KIAA1671: variants seen among roughly 807,000 people sequenced by gnomAD.
The protein encoded by KIAA1671 is uncharacterized protein KIAA1671.
In KIAA1671, 52 loss-of-function variants were observed where a neutral mutation model predicts 131.2. The ratio of observed to expected loss-of-function variants is 0.40; its 90% CI spans 0.32 to 0.50. KIAA1671 has a LOEUF of 0.50. KIAA1671 is among the 20% of genes least tolerant of loss of function. The probability of loss-of-function intolerance (pLI) is 0.73; values close to 1 mark genes in which losing one functional copy is unlikely to be tolerated. For missense variants in KIAA1671, 2,360 were observed against 2,364.2 expected, an observed-to-expected ratio of 1.00 and a Z score of 0.04; for synonymous variants, 1,003 against 961.6, an observed-to-expected ratio of 1.04 and a Z score of -0.80.
intron 8 of KIAA1671, chr22:25,177,044 T>C (rs148089438): frequency 3.7e-4 from 127 of 345,618 alleles, no homozygotes; most frequent in African/African-American, 2.4e-3. Flanking sequence ...GTGGTGGATG[T>C]CACTGGGAGG....
At chr22:25,162,813 C>G (rs1169212374) in intron 6 of KIAA1671, among the ~76,000 whole-genome samples, 1 of 152,228 alleles carries the variant, frequency 6.6e-6, no homozygotes, top group Non-Finnish European at 1.5e-5. Context: ...GCATTAACAA[C>G]AGCAGAATTG....
intron 3 of KIAA1671, among the ~76,000 whole-genome samples, chr22:25,029,886 G>C (rs1400155577): frequency 6.6e-6 from 1 of 152,216 alleles, no homozygotes; most frequent in Admixed American, 6.5e-5. Context: ...TGGCATTCCA[G>C]CTCAGCCTGT....
intron 1 of KIAA1671, among the ~76,000 whole-genome samples, chr22:24,986,630 A>ACCACCCACCCCCCCAT (rs1923549899): frequency 8.9e-6 from 1 of 112,430 alleles, no homozygotes; most frequent in African/African-American, 3.5e-5. Flanking sequence ...CACCCACCCA[A>ACCACCCACCCCCCCAT]CCACCCACCC....
intron 6 of KIAA1671, among the ~76,000 whole-genome samples, chr22:25,074,893 C>A (rs1929025411): frequency 6.6e-6 from 1 of 151,838 alleles, no homozygotes; most frequent in Admixed American, 6.6e-5. Flanking sequence ...TGGGTATATG[C>A]CCAGAAGAGG....
At chr22:25,182,595 C>T (rs978768630) in intron 10 of KIAA1671, among the ~76,000 whole-genome samples, 1 of 152,138 alleles carries the variant, frequency 6.6e-6, no homozygotes, top group Non-Finnish European at 1.5e-5. Context: ...AGGAAATTGG[C>T]TTCTACCATT....
chr22:25,095,391 CCTGTAATCCCAGCACTT>C (rs1445249262), intron 6 of KIAA1671, among the ~76,000 whole-genome samples: 20 of 152,360 alleles, frequency 1.3e-4, no homozygotes, highest in African/African-American at 4.8e-4. Flanking sequence ...GTGGCTCACG[CCTGTAATCCCAGCACTT>C]TGGGAGGCTG....
At chr22:24,972,759 C>T (rs1021556993) in intron 1 of KIAA1671, among the ~76,000 whole-genome samples, 6 of 152,116 alleles carry the variant, frequency 3.9e-5, no homozygotes, top group Admixed American at 1.3e-4. Flanking sequence ...CTGTTCTGGG[C>T]ACCAAGGATG....
rs1450908923 is a variant in KIAA1671, at chr22:25,038,830, A to T, written c.1700A>T (p.Asp567Val). 6.4e-6 allele frequency: 10 copies of T among 1,551,714 alleles called. No homozygotes were observed. The highest frequency in any genetic ancestry group is 2.0e-5 in the Admixed American group (1 of 50,974). ...RSPWKPGTLR[D>V]KSRQTEQKVS... Reference sequence around the variant, plus strand: ...CCCTGGAAGCCTGGGACACTCCGGGATAAGTCCAGGCAGACGGAGCAGAAG... The same window carrying T: ...CCCTGGAAGCCTGGGACACTCCGGGTTAAGTCCAGGCAGACGGAGCAGAAG... The change falls in exon 5 of 13, where the codon GAT becomes GTT. Residue 567 changes from aspartate (D) to valine (V), a missense_variant. This residue lies in a region of KIAA1671 where 1,185 missense variants were observed against 1,126.2 expected (regional missense o/e 1.05). Transcript: ENST00000358431.
chr22:25,001,213 GTGTAT>G (rs1924456936), intron 1 of KIAA1671, among the ~76,000 whole-genome samples: 1 of 135,874 alleles, frequency 7.4e-6, no homozygotes, highest in African/African-American at 2.8e-5. Flanking sequence ...GTGTATGTAT[GTGTAT>G]ATATGTATGT....
chr22:25,120,248 T>G (rs1186087540), intron 6 of KIAA1671, among the ~76,000 whole-genome samples: 1 of 152,188 alleles, frequency 6.6e-6, no homozygotes, highest in Non-Finnish European at 1.5e-5. Context: ...GGGGTTTGGA[T>G]TCAAGGGGTT....
intron 6 of KIAA1671, chr22:25,051,836 T>A (rs2145822801): frequency 6.6e-6 from 1 of 152,412 alleles, no homozygotes; most frequent in Admixed American, 6.5e-5. Context: ...TTCCCATCAC[T>A]GCTTTGATGA....
rs956697461 is a variant in KIAA1671 at position 25,029,204 on chromosome 22, C to A, written c.1205C>A (p.Ser402Tyr). The change falls in exon 3 of 13, where the codon TCC becomes TAC. Residue 402 changes from serine (S) to tyrosine (Y), a missense_variant. This residue lies in a region of KIAA1671 where 1,185 missense variants were observed against 1,126.2 expected (regional missense o/e 1.05). Transcript: ENST00000358431. ...CCAGAGCCAGAGAAGGCTGCTGAGT[C>A]CCCCTCACCCAGGCTGGGAAGGGGC... ...LDPEPEKAAE[S>Y]PSPRLGRGLE... The A allele has an allele frequency of 1.7e-5, 25 of 1,457,526 alleles. No individual in the cohort carries two copies. Among genetic ancestry groups the A allele is most frequent in the Non-Finnish European group, 2.1e-5 (23 of 1,101,840 alleles). The allele number at this position is 1,457,526 out of a possible 1,614,324, so 90.3% of individuals were successfully genotyped here.
At chr22:25,060,794 A>G (rs1434017508) in intron 6 of KIAA1671, 12 of 151,642 alleles carry the variant, frequency 7.9e-5, no homozygotes, top group Admixed American at 7.9e-4. Flanking sequence ...AAATGACCAC[A>G]AGAGGGTAGG....
chr22:25,021,533 T>C (rs1160420089), intron 1 of KIAA1671, among the ~76,000 whole-genome samples: 1 of 151,668 alleles, frequency 6.6e-6, no homozygotes. Flanking sequence ...CAGGGTTTTC[T>C]ATTTGTTTTG....
chr22:25,131,628 GC>G (rs1818130474), intron 6 of KIAA1671, among the ~76,000 whole-genome samples: 1 of 152,276 alleles, frequency 6.6e-6, no homozygotes, highest in Non-Finnish European at 1.5e-5. Flanking sequence ...AGCCCTGGCT[GC>G]CCGCCTGCCT....
intron 1 of KIAA1671, among the ~76,000 whole-genome samples, chr22:24,980,750 A>ATT (rs879290838): frequency 6.8e-6 from 1 of 147,442 alleles, no homozygotes; most frequent in Non-Finnish European, 1.5e-5. Context: ...TGTTATTATT[A>ATT]TTTTTTTTTT....
intron 1 of KIAA1671, among the ~76,000 whole-genome samples, chr22:25,006,449 G>A (rs756206162): frequency 6.6e-6 from 1 of 152,126 alleles, no homozygotes; most frequent in African/African-American, 2.4e-5. Flanking sequence ...GGGAATGGGG[G>A]AATTAAGGTG....
intron 6 of KIAA1671, among the ~76,000 whole-genome samples, chr22:25,166,501 AG>A (rs1036507756): frequency 6.6e-6 from 1 of 151,864 alleles, no homozygotes; most frequent in Non-Finnish European, 1.5e-5. Flanking sequence ...TTTGGTTTCT[AG>A]GGGGCCCCTG....
rs1288981360 is a variant in KIAA1671, at chr22:25,196,997, TCCTAA to T, written c.*4600_*4604del. 6.6e-6 allele frequency: 1 copy of T among 152,158 alleles called. No individual in the cohort carries two copies. Among genetic ancestry groups the T allele is most frequent in the Admixed American group, 6.5e-5 (1 of 15,270 alleles). 9.4% of individuals were successfully genotyped at this position (152,158 alleles called of 1,614,324 possible). A position where few individuals can be genotyped will look rare whatever the true frequency, so the allele number is the denominator to read the frequency against. On this transcript the variant is annotated 3_prime_UTR_variant, in exon 13 of 13. Transcript: ENST00000358431. ...ACACACACAAGTATAGTATATATTTTCCTAACCTTTCTTCTGGGTCCTTCCTCAGA... is the reference window on the plus strand; with the variant it reads ...ACACACACAAGTATAGTATATATTTTCCTTTCTTCTGGGTCCTTCCTCAGA...
Sources: allele counts gnomAD v4.1 joint callset (sites outside exome capture counted in the v4.1 genomes callset), GRCh38; gene constraint gnomAD v4.1.1; regional missense constraint gnomAD v4.1.1; transcripts MANE v1.5; gene names NCBI Gene and HGNC (gene_info 2026-07-23, HGNC 2026-07-21).